The following LYPD5 variants were observed in gnomAD, a reference collection of about 807,000 sequenced individuals.
The protein encoded by LYPD5 is LY6/PLAUR domain containing 5.
In LYPD5, 21 loss-of-function variants were observed where a neutral mutation model predicts 19.1. The ratio of observed to expected loss-of-function variants is 1.10; its 90% CI spans 0.78 to 1.58. LYPD5 has a LOEUF of 1.58. Among genes scored for constraint, LYPD5 ranks in the 40% most tolerant of loss-of-function variants. The pLI, the probability that LYPD5 is intolerant of heterozygous loss-of-function variation, is 0.00. For synonymous variants in LYPD5, 128 were observed against 142.7 expected (o/e 0.90, Z 0.74); for missense variants, 287 against 329.8 (o/e 0.87, Z 1.00).
At chr19:43,803,781 C>T (rs2146498368), upstream of LYPD5, among the ~76,000 whole-genome samples, 1 of 152,174 alleles carries the variant, frequency 6.6e-6, no homozygotes, top group East Asian at 1.9e-4. Flanking sequence ...ATGCAGAACC[C>T]CATAGACACA....
chr19:43,797,930 T>C, intron 4 of LYPD5, 101 bp from the exon 5 acceptor site: 2 of 901,112 alleles, frequency 2.2e-6, no homozygotes, highest in Admixed American at 4.7e-5. Context: ...GTCCTCAGAC[T>C]TGCTTCAGGT....
In LYPD5 at chr19:43,798,495, G is replaced by T. The variant is rs1391366337; in HGVS notation, c.477C>A (p.Asp159Glu). The change falls in exon 4 of 5, where the codon GAC (aspartate) becomes GAA (glutamate). Residue 159 changes from aspartate (D) to glutamate (E), a missense_variant. Coordinates refer to ENST00000377950, the MANE Select transcript of LYPD5 (RefSeq NM_001031749.3). ...GRSRRVQCHQ[D>E]QTACFQGNGR... ...CATTGCCCTGGAAGCAGGCGGTCTG[G>T]TCCTGGTGACACTGGACTCGTCGGG... is the stretch of plus-strand genomic sequence containing the variant. 1.9e-6 allele frequency: 3 copies of T among 1,609,652 alleles called. No individual in the cohort carries two copies. The highest frequency in any genetic ancestry group is 2.5e-6 in the Non-Finnish European group (3 of 1,179,996).
rs571801609 is a variant in LYPD5, at chr19:43,820,081, CTT to C, written c.-66+457_-66+458del. ...GTCACTCTACACACAAACCCACACACTTGTGTCACAGTCACAGATTCATTCCA... is the reference window on the plus strand; with the variant it reads ...GTCACTCTACACACAAACCCACACACGTGTCACAGTCACAGATTCATTCCA... On this transcript the variant is annotated intron_variant, in intron 1 of 4. Coordinates refer to the LYPD5 transcript ENST00000414615. Among the ~76,000 whole-genome samples the C allele has an allele frequency of 1.3e-3, 195 of 151,518 alleles. 1 individual carries two copies. The highest frequency in any genetic ancestry group is 4.6e-3 in the African/African-American group (189 of 41,460).
chr19:43,812,571 A>G (rs1430425215), intron 1 of LYPD5, among the ~76,000 whole-genome samples: 1 of 152,148 alleles, frequency 6.6e-6, no homozygotes, highest in Admixed American at 6.6e-5. Context: ...TTTTCAGACT[A>G]TTTTTAAAGG....
At chr19:43,802,470 C>G (rs1277341710), upstream of LYPD5, 6 of 1,190,148 alleles carry the variant, frequency 5.0e-6, no homozygotes, top group Non-Finnish European at 7.3e-6. Context: ...TCCCGGCCAC[C>G]CAGCCTGGCC....
intron 1 of LYPD5, among the ~76,000 whole-genome samples, chr19:43,813,585 A>T (rs938177922): frequency 3.3e-5 from 5 of 152,230 alleles, no homozygotes; most frequent in African/African-American, 1.2e-4. Flanking sequence ...TTGAACCAGC[A>T]TGGGGCTGGC....
At chr19:43,804,440 C>T (rs1970254630), upstream of LYPD5, among the ~76,000 whole-genome samples, 1 of 152,112 alleles carries the variant, frequency 6.6e-6, no homozygotes, top group African/African-American at 2.4e-5. Context: ...GACCCACCTC[C>T]CCCATTGTCC....
chr19:43,798,795 C>G lies in LYPD5; in HGVS notation c.370+17G>C, dbSNP rs779609068. The stretch of plus-strand genomic sequence containing the variant: ...CTCATCGTCCCTCCCGGAGCCCAGC[C>G]CCGCTCTCCCGCGCACCTTGGCTCA... On this transcript the variant is annotated intron_variant, in intron 3 of 4. Transcript: ENST00000377950. The G allele has an allele frequency of 1.3e-6, 2 of 1,598,450 alleles. No individual in the cohort carries two copies. Among genetic ancestry groups the G allele is most frequent in the Non-Finnish European group, 1.7e-6 (2 of 1,172,532 alleles).
chr19:43,809,639 G>T (rs1363954769), intron 1 of LYPD5, among the ~76,000 whole-genome samples: 1 of 151,442 alleles, frequency 6.6e-6, no homozygotes, highest in Non-Finnish European at 1.5e-5. Context: ...TGATCCACCC[G>T]CCTTGGCCTC....
chr19:43,816,032 C>CTCTATCTATCTATCTA (rs111461643), intron 1 of LYPD5, among the ~76,000 whole-genome samples: 22 of 147,850 alleles, frequency 1.5e-4, no homozygotes, highest in African/African-American at 4.1e-4. Context: ...CCACGCCCCA[C>CTCTATCTATCTATCTA]TCTATCTATC....
intron 1 of LYPD5, among the ~76,000 whole-genome samples, chr19:43,809,897 C>T (rs187737266): frequency 6.6e-6 from 1 of 152,308 alleles, no homozygotes; most frequent in Non-Finnish European, 1.5e-5. Flanking sequence ...ATAAAATCAA[C>T]ACGTCTTTCC....
chr19:43,810,255 TTATTG>T (rs1383246018), intron 1 of LYPD5, among the ~76,000 whole-genome samples: 1 of 152,168 alleles, frequency 6.6e-6, no homozygotes, highest in Non-Finnish European at 1.5e-5. Flanking sequence ...TTTTCTTGCC[TTATTG>T]TATAGGCTAG....
At position 43,802,329 on chromosome 19, in the gene LYPD5, G is replaced by A; in HGVS notation, c.52C>T (p.Leu18Phe). The A allele has an allele frequency of 6.4e-7, 1 of 1,551,652 alleles. No homozygotes were observed. Among genetic ancestry groups the A allele is most frequent in the East Asian group, 2.4e-5 (1 of 40,924 alleles). Reference sequence around the variant, plus strand: ...GAAGTTTGCGTACCTGTCAGGCAGAGCGCAGCCCCAAAGAGGCAGAGCAGA... The same window carrying A: ...GAAGTTTGCGTACCTGTCAGGCAGAACGCAGCCCCAAAGAGGCAGAGCAGA... ...VILLCLFGAA[L>F]CLTGSQALQC... is the part of the protein sequence containing the mutation. Residue 18 changes from leucine to phenylalanine, a missense_variant, in exon 1 of 5, where the codon CTC becomes TTC. Coordinates refer to ENST00000377950, the MANE Select transcript of LYPD5 (RefSeq NM_001031749.3).
chr19:43,806,694 C>A (rs1970273527), upstream of LYPD5, among the ~76,000 whole-genome samples: 1 of 146,114 alleles, frequency 6.8e-6, no homozygotes, highest in South Asian at 2.1e-4. Flanking sequence ...AAAACAAACC[C>A]AACAAGCTCA....
In LYPD5 at chr19:43,798,997, G is replaced by A. The variant is rs1456059669; in HGVS notation, c.194-9C>T. On this transcript the variant is annotated splice_polypyrimidine_tract_variant and intron_variant, in intron 2 of 4. Transcript: ENST00000377950. ...CACCGGCGCGCGATACCCTGGGGGC[G>A]GGATCGGGGCTCGTGCTCTGCTTCC... 5 of 1,557,888 alleles carry A rather than the reference G, an allele frequency of 3.2e-6. No homozygotes were observed. In the Admixed American group the frequency reaches 7.7e-5, roughly 24 times the overall value.
Position 43,797,786 on chromosome 19 carries a change from G to T in LYPD5, c.561C>A (p.Pro187=). The T allele has an allele frequency of 6.2e-7, 1 of 1,613,874 alleles. No homozygotes were observed. The highest frequency in any genetic ancestry group is 2.2e-5 in the East Asian group (1 of 44,884). ...VPVYIRTCHR[P]SCTTEGTTSP... Reference sequence around the variant, plus strand: ...TGGTGGTGCCCTCGGTGGTGCAGGAGGGCCGGTGGCAGGTTCTGATGTACA... The same window carrying T: ...TGGTGGTGCCCTCGGTGGTGCAGGATGGCCGGTGGCAGGTTCTGATGTACA... The change falls in exon 5 of 5, where the codon CCC becomes CCA. Residue 187 remains proline, a synonymous_variant. Transcript: ENST00000377950.
In LYPD5 at chr19:43,797,134, TG is replaced by T. The variant is rs1475797827; in HGVS notation, c.*456del. The stretch of plus-strand genomic sequence containing the variant: ...GTCTCTGCAGGCTGAATGGTGGAGC[TG>T]GGATTTGAACCCATGCAGCTTAGCT... On this transcript the variant is annotated 3_prime_UTR_variant, in exon 5 of 5. Coordinates refer to ENST00000377950, the MANE Select transcript of LYPD5 (RefSeq NM_001031749.3). The T allele has an allele frequency of 6.4e-6, 1 of 155,142 alleles. No homozygotes were observed. The highest frequency in any genetic ancestry group is 1.4e-5 in the Non-Finnish European group (1 of 70,130). The allele number at this position is 155,142 out of a possible 1,614,324, so 9.6% of individuals were successfully genotyped here. A position where few individuals can be genotyped will look rare whatever the true frequency, so the allele number is the denominator to read the frequency against.
intron 3 of LYPD5, 86 bp from the exon 4 acceptor site, chr19:43,798,687 A>G (rs1970172365): frequency 1.9e-6 from 3 of 1,588,326 alleles, no homozygotes; most frequent in Non-Finnish European, 2.6e-6. Flanking sequence ...GCCCGCGCCT[A>G]GCACGTCTCG....
In LYPD5 at chr19:43,798,601, G is replaced by A. The variant is rs1407730212; in HGVS notation, c.371C>T (p.Ala124Val). 6.2e-7 allele frequency: 1 copy of A among 1,609,856 alleles called. No homozygotes were observed. The highest frequency in any genetic ancestry group is 2.2e-5 in the East Asian group (1 of 44,886). Residue 124 changes from alanine (A) to valine (V), a missense_variant and splice_region_variant, in exon 4 of 5, where the codon GCA (alanine) becomes GTA (valine). Transcript: ENST00000377950. ...GCCGCTGAGCGTCGGCGGGTCGGGT[G>A]CTGGCAAGAGAGCGTAGATGCACAC... Reference protein sequence around the residue: ...THDALPNLSQAPDPPTLSGAE... With the variant: ...THDALPNLSQVPDPPTLSGAE...
Sources: allele counts gnomAD v4.1 joint callset (sites outside exome capture counted in the v4.1 genomes callset), GRCh38; gene constraint gnomAD v4.1.1; transcripts MANE v1.5; gene names NCBI Gene and HGNC (gene_info 2026-07-23, HGNC 2026-07-21).